Variants in CENPF observed in about 807,000 individuals in gnomAD.
CENPF encodes centromere protein F.
A neutral mutation model predicts 307.3 loss-of-function variants in CENPF; 214 were observed. The ratio of observed to expected loss-of-function variants is 0.70; its 90% CI spans 0.62 to 0.78. CENPF has a LOEUF of 0.78. CENPF is among the 30% of genes least tolerant of loss of function. The pLI is 0.00. For synonymous variants in CENPF, 1,259 were observed against 1,270.6 expected, an observed-to-expected ratio of 0.99 and a Z score of 0.19; for missense variants, 3,401 against 3,483.9, an observed-to-expected ratio of 0.98 and a Z score of 0.60.
In CENPF at chr1:214,663,942, A is replaced by C. The variant is rs1239884952; in HGVS notation, c.*148A>C. Reference sequence around the variant, plus strand: ...GTCTTAAATATATTGTACTCTTTAGATCTCCCATGTGTAGGTATTGAAAAA... The same window carrying C: ...GTCTTAAATATATTGTACTCTTTAGCTCTCCCATGTGTAGGTATTGAAAAA... On this transcript the variant is annotated 3_prime_UTR_variant, in exon 20 of 20. Coordinates refer to ENST00000366955, the MANE Select transcript of CENPF (RefSeq NM_016343.4). 1.5e-6 allele frequency: 1 copy of C among 649,716 alleles called. No homozygotes were observed. The highest frequency in any genetic ancestry group is 2.8e-5 in the East Asian group (1 of 36,300). 40.2% of individuals were successfully genotyped at this position (649,716 alleles called of 1,614,324 possible).
intron 1 of CENPF, among the ~76,000 whole-genome samples, chr1:214,612,362 A>G (rs557572007): frequency 2.0e-4 from 30 of 152,146 alleles, no homozygotes; most frequent in Non-Finnish European, 4.3e-4. Flanking sequence ...GTGTTGCTGG[A>G]CTTGGTTTGC....
chr1:214,628,594 G>T (rs371248354), intron 7 of CENPF, among the ~76,000 whole-genome samples: 1 of 152,130 alleles, frequency 6.6e-6, no homozygotes, highest in Admixed American at 6.5e-5. Flanking sequence ...ACAGGCAAGC[G>T]CCACCACACC....
In CENPF at chr1:214,646,706, G is replaced by C. The variant is rs755439754; in HGVS notation, c.7136G>C (p.Ser2379Thr). ...GCAAAAATAGAAGGGATGACCCAAA[G>C]TCTGAGAGGTCTGGAATTAGATGTT... ...LKAKIEGMTQSLRGLELDVVT... is the reference protein window; with the variant it reads ...LKAKIEGMTQTLRGLELDVVT... Residue 2379 changes from serine to threonine, a missense_variant, in exon 13 of 20, where the codon AGT (serine) becomes ACT (threonine). Ser to Thr is a moderately conservative substitution (Grantham distance 58). Coordinates refer to ENST00000366955, the MANE Select transcript of CENPF (RefSeq NM_016343.4). The C allele has an allele frequency of 6.2e-7, 1 of 1,613,980 alleles. No homozygotes were observed. The highest frequency in any genetic ancestry group is 8.5e-7 in the Non-Finnish European group (1 of 1,179,984).
In CENPF at chr1:214,646,848, G is replaced by A. The variant is rs767153072; in HGVS notation, c.7278G>A (p.Glu2426=). 2 of 1,612,264 alleles carry A rather than the reference G, an allele frequency of 1.2e-6. No individual in the cohort carries two copies. Among genetic ancestry groups the A allele is most frequent in the South Asian group, 2.2e-5 (2 of 90,714 alleles). ...TTGAAAATATTTTGCAAGAAAAAGA[G>A]CAAGAGAAAGTACAGATGAAAGAAA... ...SSFENILQEK[E]QEKVQMKEKS... Residue 2426 remains glutamate (E), a synonymous_variant, in exon 13 of 20, where the codon GAG becomes GAA. Transcript: ENST00000366955.
At position 214,642,982 on chromosome 1, in the gene CENPF, T is replaced by G. The variant is rs1176183132; in HGVS notation, c.4644T>G (p.Gly1548=). 6.2e-7 allele frequency: 1 copy of G among 1,609,952 alleles called. No individual in the cohort carries two copies. The highest frequency in any genetic ancestry group is 8.5e-7 in the Non-Finnish European group (1 of 1,178,842). Residue 1548 remains glycine (G), a synonymous_variant, in exon 12 of 20, where the codon GGT becomes GGG. Coordinates refer to ENST00000366955, the MANE Select transcript of CENPF (RefSeq NM_016343.4). ...RKETPSAPAK[G]VEELESLCEV... Reference sequence around the variant, plus strand: ...AAACCCCTTCGGCCCCAGCGAAGGGTGTTGAAGAGCTTGAGTCCCTCTGTG... The same window carrying G: ...AAACCCCTTCGGCCCCAGCGAAGGGGGTTGAAGAGCTTGAGTCCCTCTGTG...
Position 214,609,815 on chromosome 1 carries a change from G to C in CENPF, c.-41-3899G>C, listed in dbSNP as rs115321752. Among the ~76,000 whole-genome samples the C allele has an allele frequency of 7.5e-3, 1,140 of 152,196 alleles. 15 individuals carry two copies. Among genetic ancestry groups the C allele is most frequent in the African/African-American group, 0.026 (1,076 of 41,540 alleles). On this transcript the variant is annotated intron_variant, in intron 1 of 19. Coordinates refer to ENST00000366955, the MANE Select transcript of CENPF (RefSeq NM_016343.4). ...CATTTGGTTTTCTGTTCTTGCATTA[G>C]TTTGCTAAGGATAATGGCCTCTAAT...
intron 3 of CENPF, among the ~76,000 whole-genome samples, chr1:214,618,030 G>C (rs901760707): frequency 7.2e-5 from 11 of 152,156 alleles, no homozygotes; most frequent in Admixed American, 7.2e-4. Context: ...CAATCATAGC[G>C]GAAGGGGAAG....
chr1:214,629,772 G>A (rs1033521555), intron 8 of CENPF, among the ~76,000 whole-genome samples: 1 of 152,006 alleles, frequency 6.6e-6, no homozygotes, highest in African/African-American at 2.4e-5. Context: ...GGCTGGTCTC[G>A]AACTCCTGAC....
chr1:214,627,582 G>T (rs1163079795), intron 7 of CENPF, among the ~76,000 whole-genome samples: 3 of 149,920 alleles, frequency 2.0e-5, no homozygotes, highest in Admixed American at 6.6e-5. Flanking sequence ...CACCATGTTG[G>T]CCAGGCTGGT....
intron 4 of CENPF, 25 bp from the exon 5 acceptor site, chr1:214,619,104 A>G (rs1168167123): frequency 5.2e-6 from 6 of 1,148,662 alleles, no homozygotes; most frequent in Non-Finnish European, 6.4e-6. Context: ...CTGAAAGAAA[A>G]CTGTATTTGA....
intron 13 of CENPF, among the ~76,000 whole-genome samples, chr1:214,648,224 G>A (rs1188886726): frequency 1.3e-5 from 2 of 152,158 alleles, no homozygotes; most frequent in African/African-American, 2.4e-5. Context: ...ATAGCAAGCT[G>A]TTTCACTTCA....
chr1:214,635,886 C>CT (rs1475045004), intron 10 of CENPF, among the ~76,000 whole-genome samples: 1 of 152,128 alleles, frequency 6.6e-6, no homozygotes, highest in Non-Finnish European at 1.5e-5. Flanking sequence ...TCTCTCTCTT[C>CT]TTTTTTCCTT....
chr1:214,651,357 T>G (rs1395465777), intron 14 of CENPF, among the ~76,000 whole-genome samples: 1 of 152,132 alleles, frequency 6.6e-6, no homozygotes, highest in Non-Finnish European at 1.5e-5. Context: ...ATGGTAGTGG[T>G]TCTGTTGATG....
Position 214,640,357 on chromosome 1 carries a change from A to G in CENPF, c.2019A>G (p.Glu673=). Residue 673 remains glutamate (E), a synonymous_variant, in exon 12 of 20, where the codon GAA becomes GAG. Coordinates refer to ENST00000366955, the MANE Select transcript of CENPF (RefSeq NM_016343.4). ...ERVRTLEMDR[E]NLSVEIRNLH... is the part of the protein sequence containing the mutation. ...TAAGAACGCTGGAGATGGACAGAGA[A>G]AACCTAAGTGTCGAGATCAGAAACC... The G allele has an allele frequency of 6.2e-7, 1 of 1,614,000 alleles. No individual in the cohort carries two copies. The highest frequency in any genetic ancestry group is 1.6e-4 in the Middle Eastern group (1 of 6,062).
Position 214,640,045 on chromosome 1 carries a change from T to C in CENPF, c.1707T>C (p.Cys569=). 6.2e-7 allele frequency: 1 copy of C among 1,602,930 alleles called. No individual in the cohort carries two copies. The highest frequency in any genetic ancestry group is 8.5e-7 in the Non-Finnish European group (1 of 1,177,444). ...CTGATCTGGAAAAGCAGCGAGATTG[T>C]TCTCAAGACCTTTTGAAGAAAAGAG... ...AVADLEKQRD[C]SQDLLKKREH... is the part of the protein sequence containing the mutation. Residue 569 remains cysteine (C), a synonymous_variant, in exon 12 of 20, where the codon TGT becomes TGC. Transcript: ENST00000366955.
intron 7 of CENPF, among the ~76,000 whole-genome samples, chr1:214,623,501 C>G (rs575471138): frequency 4.7e-4 from 71 of 152,252 alleles, no homozygotes; most frequent in African/African-American, 1.7e-3. Flanking sequence ...ACCACTGAAT[C>G]TTCTTAAGAC....
chr1:214,625,179 A>G (rs938840467), intron 7 of CENPF, among the ~76,000 whole-genome samples: 11 of 152,036 alleles, frequency 7.2e-5, no homozygotes, highest in Non-Finnish European at 1.3e-4. Context: ...TGTAGACAAC[A>G]TATAATTGGG....
chr1:214,650,198 AG>A (rs370681424), intron 14 of CENPF, among the ~76,000 whole-genome samples: 139 of 152,252 alleles, frequency 9.1e-4, no homozygotes, highest in Non-Finnish European at 1.4e-3. Context: ...ACGACCAGGC[AG>A]TGGTGGGGAG....
Position 214,663,716 on chromosome 1 carries a change from G to GT in CENPF, c.9267_9268insT (p.Val3090CysfsTer20). 6.2e-7 allele frequency: 1 copy of GT among 1,614,086 alleles called. No individual in the cohort carries two copies. Among genetic ancestry groups the GT allele is most frequent in the Non-Finnish European group, 8.5e-7 (1 of 1,180,024 alleles). ...CTGACAGCCCCAGAGAGGGCCTGAG[G>GT]GTCAAGCGAGGCCGACTTGTCCCCA... On this transcript the variant is annotated frameshift_variant, in exon 20 of 20. Transcript: ENST00000366955. LOFTEE classifies it low-confidence loss of function (END_TRUNC).
Sources: gnomAD v4.1 joint callset for allele counts (sites outside exome capture counted in the v4.1 genomes callset) on GRCh38, gnomAD v4.1.1 for gene constraint, MANE v1.5 for transcripts, NCBI Gene and HGNC (gene_info 2026-07-23, HGNC 2026-07-21) for gene names.